CCDC102B: variants seen among roughly 807,000 people sequenced by gnomAD.
CCDC102B encodes the protein coiled-coil domain-containing protein 102B.
CCDC102B carries 75 observed loss-of-function variants against 57.4 expected under a neutral mutation model. The observed-to-expected ratio is 1.31, with a 90% CI of 1.08 to 1.58. The LOEUF (loss-of-function observed/expected upper bound fraction) is 1.58. CCDC102B is among the 40% of genes most tolerant of loss of function. CCDC102B has a pLI of 0.00. For missense variants in CCDC102B, 636 were observed against 582.6 expected, an observed-to-expected ratio of 1.09 and a Z score of -0.94; for synonymous variants, 206 against 201.9, an observed-to-expected ratio of 1.02 and a Z score of -0.17.
At position 68,836,624 on chromosome 18, in the gene CCDC102B, C is replaced by CAAAA. The variant is rs74175335; in HGVS notation, c.-15-123_-15-120dup. The CAAAA allele has an allele frequency of 4.7e-3, 2,224 of 472,130 alleles. 119 individuals are homozygous for CAAAA. In the African/African-American group the frequency reaches 0.051, roughly 11 times the overall value. 29.2% of individuals were successfully genotyped at this position (472,130 alleles called of 1,614,324 possible). On this transcript the variant is annotated intron_variant, in intron 1 of 7. Coordinates refer to ENST00000360242, the MANE Select transcript of CCDC102B (RefSeq NM_024781.3). ...GCCTGGTGACAGAGCAAGACTCTGT[C>CAAAA]AAAAATAAAAAAAAAGCATTGTTTT...
At chr18:68,866,917 A>T in intron 4 of CCDC102B, 2 of 554,716 alleles carry the variant, frequency 3.6e-6, no homozygotes, top group Non-Finnish European at 3.5e-6. Context: ...GTGGGATCTC[A>T]CCCTTGATGT....
intron 6 of CCDC102B, among the ~76,000 whole-genome samples, chr18:68,977,569 A>AG (rs1418528576): frequency 6.6e-6 from 1 of 151,652 alleles, no homozygotes; most frequent in Non-Finnish European, 1.5e-5. Flanking sequence ...AAAAAAAAAA[A>AG]CAGGTTGTAA....
chr18:68,953,108 GTC>G (rs1284378398), intron 6 of CCDC102B, among the ~76,000 whole-genome samples: 3 of 152,024 alleles, frequency 2.0e-5, no homozygotes, highest in African/African-American at 7.2e-5. Flanking sequence ...ACTGAAAAGA[GTC>G]TCAGAATACT....
chr18:69,037,722 GA>G (rs142070275), intron 7 of CCDC102B, among the ~76,000 whole-genome samples: 12,574 of 151,978 alleles, frequency 0.083, 1,100 homozygotes, highest in African/African-American at 0.22. Flanking sequence ...TAGAGAAATA[GA>G]AAAATTCAGA....
chr18:68,740,593 A>G (rs1384568573), intron 2 of CCDC102B, among the ~76,000 whole-genome samples: 2 of 152,160 alleles, frequency 1.3e-5, no homozygotes, highest in Non-Finnish European at 2.9e-5. Context: ...TAATGTGAGG[A>G]AAATCCACCA....
chr18:68,839,782 G>A (rs1030071982), intron 3 of CCDC102B, among the ~76,000 whole-genome samples: 3 of 152,162 alleles, frequency 2.0e-5, no homozygotes, highest in African/African-American at 7.2e-5. Context: ...TAGGTTGCAA[G>A]TGAACATCTT....
chr18:68,732,599 A>C (rs1202406842), intron 2 of CCDC102B, among the ~76,000 whole-genome samples: 2 of 151,986 alleles, frequency 1.3e-5, no homozygotes, highest in African/African-American at 4.8e-5. Flanking sequence ...TGCCTGCCTC[A>C]GCCTCCCAAA....
chr18:68,946,227 A>G (rs1010067670), intron 6 of CCDC102B, among the ~76,000 whole-genome samples: 5 of 152,088 alleles, frequency 3.3e-5, no homozygotes, highest in African/African-American at 7.2e-5. Context: ...TCCCATGTAC[A>G]TAAGCACATA....
chr18:68,880,134 C>T (rs566273664), intron 5 of CCDC102B, among the ~76,000 whole-genome samples: 2 of 152,350 alleles, frequency 1.3e-5, no homozygotes, highest in African/African-American at 4.8e-5. Flanking sequence ...GTCCCGAGCC[C>T]TGCCCCGCCC....
At chr18:68,993,661 GTC>G (rs374064210) in intron 6 of CCDC102B, among the ~76,000 whole-genome samples, 57 of 152,254 alleles carry the variant, frequency 3.7e-4, no homozygotes, top group Middle Eastern at 3.4e-3. Context: ...ATAAATGAAA[GTC>G]TAACTAGTTA....
At chr18:68,886,046 TGTAAATATATA>T (rs947667258) in intron 5 of CCDC102B, among the ~76,000 whole-genome samples, 3 of 151,862 alleles carry the variant, frequency 2.0e-5, no homozygotes, top group African/African-American at 7.2e-5. Context: ...ATTGGTCACT[TGTAAATATATA>T]TATATATTTA....
At chr18:69,057,228 G>C (rs964464809), downstream of CCDC102B, among the ~76,000 whole-genome samples, 4 of 151,970 alleles carry the variant, frequency 2.6e-5, no homozygotes, top group Non-Finnish European at 4.4e-5. Flanking sequence ...ACCAATTTCT[G>C]TTTCAGATAT....
chr18:68,746,062 CAG>C (rs1295436824), intron 2 of CCDC102B, among the ~76,000 whole-genome samples: 2 of 152,136 alleles, frequency 1.3e-5, no homozygotes, highest in Non-Finnish European at 2.9e-5. Context: ...CAACCACAGA[CAG>C]AGTAGATCTT....
chr18:69,023,486 A>G (rs2051903447), intron 7 of CCDC102B, among the ~76,000 whole-genome samples: 1 of 151,944 alleles, frequency 6.6e-6, no homozygotes, highest in African/African-American at 2.4e-5. Context: ...AAATAATGTA[A>G]TAATATAATA....
chr18:68,772,247 C>T (rs141317781), intron 2 of CCDC102B, among the ~76,000 whole-genome samples: 2,033 of 151,948 alleles, frequency 0.013, 18 homozygotes, highest in Middle Eastern at 0.031. Flanking sequence ...TTTTTTTTTA[C>T]TCAGTGAATT....
At chr18:69,034,846 T>C (rs945924795) in intron 7 of CCDC102B, among the ~76,000 whole-genome samples, 3 of 151,874 alleles carry the variant, frequency 2.0e-5, no homozygotes, top group Admixed American at 2.0e-4. Context: ...TTGGTTTCCT[T>C]TTGGGAAATA....
chr18:68,827,171 C>A (rs9960401), intron 1 of CCDC102B, among the ~76,000 whole-genome samples: 1,739 of 152,016 alleles, frequency 0.011, 29 homozygotes, highest in African/African-American at 0.038. Context: ...TAAAAATTGG[C>A]TAAAGGAAAT....
chr18:68,928,301 A>T (rs1316345232), intron 6 of CCDC102B, among the ~76,000 whole-genome samples: 1 of 151,908 alleles, frequency 6.6e-6, no homozygotes, highest in Non-Finnish European at 1.5e-5. Flanking sequence ...GGTGGCAAAC[A>T]ATCTTATGGG....
intron 6 of CCDC102B, among the ~76,000 whole-genome samples, chr18:68,934,786 T>C (rs2041789183): frequency 6.6e-6 from 1 of 151,978 alleles, no homozygotes; most frequent in African/African-American, 2.4e-5. Flanking sequence ...TATGTAAAGC[T>C]TTAAATGTCT....
Sources: gnomAD v4.1 joint callset for allele counts (sites outside exome capture counted in the v4.1 genomes callset) on GRCh38, gnomAD v4.1.1 for gene constraint, MANE v1.5 for transcripts, NCBI Gene and HGNC (gene_info 2026-07-23, HGNC 2026-07-21) for gene names.